The following ABCB4 variants were observed in gnomAD, a reference collection of about 807,000 sequenced individuals.
ABCB4 encodes the protein ATP binding cassette subfamily B member 4.
In ABCB4, 76 loss-of-function variants were observed where a neutral mutation model predicts 145.7. The observed-to-expected ratio is 0.52, with a 90% confidence interval of 0.43 to 0.63. The LOEUF (loss-of-function observed/expected upper bound fraction) is 0.63, where lower values mean the gene tolerates loss of function less well. Among genes scored for constraint, ABCB4 ranks in the 30% least tolerant of loss-of-function variants. The pLI, the probability that ABCB4 is intolerant of heterozygous loss-of-function variation, is 0.00. For missense variants in ABCB4, 1,234 were observed against 1,553.1 expected (o/e 0.79, Z 3.45); for synonymous variants, 517 against 566.8 (o/e 0.91, Z 1.25).
At chr7:87,379,557 A>G in the ABCB4 span, among the ~76,000 whole-genome samples, 11 of 152,250 alleles carry the variant, frequency 7.2e-5, no homozygotes, top group East Asian at 7.7e-4. Flanking sequence ...CAAATTCAAG[A>G]TGAAAATAAT....
intron 3 of ABCB4, among the ~76,000 whole-genome samples, chr7:87,467,558 A>G (rs1046073652): frequency 1.3e-5 from 2 of 152,230 alleles, no homozygotes; most frequent in Non-Finnish European, 2.9e-5. Context: ...ATAGACATCT[A>G]CAGAACTCTC....
the ABCB4 span, among the ~76,000 whole-genome samples, chr7:87,370,369 G>C: frequency 1.2e-4 from 18 of 152,156 alleles, no homozygotes; most frequent in African/African-American, 4.3e-4. Context: ...TTTTAGTAGG[G>C]ATGAGGTTTT....
chr7:87,418,001 C>T lies in ABCB4; in HGVS notation c.2479-486G>A, dbSNP rs56340939. 2.6e-3 allele frequency among the ~76,000 whole-genome samples: 400 copies of T among 152,308 alleles called. 1 individual carries two copies. Among genetic ancestry groups the T allele is most frequent in the Non-Finnish European group, 3.3e-3 (223 of 68,028 alleles). On this transcript the variant is annotated intron_variant, in intron 20 of 27. Transcript: ENST00000649586. ...ACTCAGAAAACAAAGGTGGCTGTAG[C>T]AACATTGCAGTCAGCTCTCTGCATC...
the ABCB4 span, among the ~76,000 whole-genome samples, chr7:87,390,646 G>A: frequency 1.3e-5 from 2 of 152,112 alleles, no homozygotes; most frequent in Non-Finnish European, 2.9e-5. Context: ...AAGAAAGTAA[G>A]AGAGTTTTAT....
the ABCB4 span, among the ~76,000 whole-genome samples, chr7:87,388,430 A>G: frequency 2.6e-5 from 4 of 152,196 alleles, no homozygotes; most frequent in African/African-American, 4.8e-5. Flanking sequence ...ACACAGATAT[A>G]TAGACCAATG....
chr7:87,429,613 GC>G (rs1269560364), intron 15 of ABCB4, among the ~76,000 whole-genome samples: 1 of 152,152 alleles, frequency 6.6e-6, no homozygotes, highest in Non-Finnish European at 1.5e-5. Context: ...GTCATTATGG[GC>G]AAAATCACAG....
chr7:87,405,667 C>T (rs957280121), intron 26 of ABCB4, among the ~76,000 whole-genome samples: 1 of 152,088 alleles, frequency 6.6e-6, no homozygotes, highest in Non-Finnish European at 1.5e-5. Context: ...CCTCGTAATC[C>T]ACCCACCTTG....
intron 3 of ABCB4, among the ~76,000 whole-genome samples, chr7:87,465,555 G>A (rs1812809791): frequency 6.6e-6 from 1 of 152,156 alleles, no homozygotes; most frequent in South Asian, 2.1e-4. Flanking sequence ...GAGAGTAGTG[G>A]TTCTCCCAGC....
At chr7:87,419,201 A>T (rs1017491020) in intron 19 of ABCB4, among the ~76,000 whole-genome samples, 1 of 152,166 alleles carries the variant, frequency 6.6e-6, no homozygotes, top group African/African-American at 2.4e-5. Flanking sequence ...ACATAAAATA[A>T]TTTTTCCTGC....
At chr7:87,394,605 G>A in the ABCB4 span, among the ~76,000 whole-genome samples, 1 of 151,134 alleles carries the variant, frequency 6.6e-6, no homozygotes, top group Admixed American at 6.6e-5. Context: ...ACACTGGCAG[G>A]CATTAAAACT....
the ABCB4 span, among the ~76,000 whole-genome samples, chr7:87,391,249 G>T: frequency 6.6e-6 from 1 of 152,284 alleles, no homozygotes; most frequent in Non-Finnish European, 1.5e-5. Context: ...CACTTGTGCT[G>T]TACTCTCCCC....
the ABCB4 span, among the ~76,000 whole-genome samples, chr7:87,367,597 A>ACTTTT: frequency 1.3e-5 from 2 of 152,144 alleles, no homozygotes; most frequent in African/African-American, 4.8e-5. Flanking sequence ...AAATTCATAT[A>ACTTTT]CTTTTCTTTT....
downstream of ABCB4, chr7:87,398,767 A>G (rs1381499879): frequency 3.3e-6 from 3 of 912,830 alleles, no homozygotes; most frequent in Non-Finnish European, 4.9e-6. Flanking sequence ...AGTTAAGAAA[A>G]CTTGTTAAAT....
chr7:87,424,005 A>G lies in ABCB4; in HGVS notation c.2112T>C (p.Asn704=), dbSNP rs200052908. ...CGACAAAGTAGGGCCATTCTGTTTT[A>G]TTCAGTTTCAGGACCTTCAGAAAGG... ...PVSFLKVLKL[N]KTEWPYFVVG... Residue 704 remains asparagine (N), a synonymous_variant, in exon 17 of 28, where the codon AAT becomes AAC. Transcript: ENST00000649586. The G allele has an allele frequency of 6.2e-7, 1 of 1,614,046 alleles. No individual in the cohort carries two copies. The highest frequency in any genetic ancestry group is 8.5e-7 in the Non-Finnish European group (1 of 1,179,954).
intron 5 of ABCB4, 108 bp downstream of exon 5, chr7:87,454,427 G>T: frequency 1.1e-6 from 1 of 894,660 alleles, no homozygotes; most frequent in Non-Finnish European, 1.7e-6. Context: ...GATAATAATA[G>T]GTGAATCTGG....
Position 87,462,747 on chromosome 7 carries a change from G to A in ABCB4, c.286+11C>T. 6.2e-7 allele frequency: 1 copy of A among 1,613,348 alleles called. No individual in the cohort carries two copies. The highest frequency in any genetic ancestry group is 1.7e-5 in the Admixed American group (1 of 59,972). ...GCTATGGATTTTTTTAAAAGGTAAAGAAATGCTTACCTGGAAAGGAGAAGT... is the reference window on the plus strand; with the variant it reads ...GCTATGGATTTTTTTAAAAGGTAAAAAAATGCTTACCTGGAAAGGAGAAGT... On this transcript the variant is annotated intron_variant, in intron 4 of 27. Transcript: ENST00000649586.
the ABCB4 span, chr7:87,382,359 G>A: frequency 4.4e-6 from 7 of 1,575,720 alleles, no homozygotes; most frequent in Non-Finnish European, 6.0e-6. Flanking sequence ...GCTTCTCTTT[G>A]GTGTATTCTC....
rs11976709 is a variant in ABCB4 at position 87,438,707 on chromosome 7, C to T, written c.1731+960G>A. ...GAGGCTGCAGGGAGCCATAATCACA[C>T]GACTGCACTCCACGCTGGGTGACAG... On this transcript the variant is annotated intron_variant, in intron 14 of 27. Coordinates refer to ENST00000649586, the MANE Select transcript of ABCB4 (RefSeq NM_000443.4). Among the ~76,000 whole-genome samples the T allele has an allele frequency of 3.3e-3, 503 of 152,232 alleles. 1 individual carries two copies. Among genetic ancestry groups the T allele is most frequent in the African/African-American group, 0.011 (442 of 41,526 alleles).
the ABCB4 span, among the ~76,000 whole-genome samples, chr7:87,393,411 G>T: frequency 6.6e-6 from 1 of 152,148 alleles, no homozygotes; most frequent in Non-Finnish European, 1.5e-5. Flanking sequence ...ATATATGGTG[G>T]TTCATGTAGT....
Sources: gnomAD v4.1 joint callset for allele counts (sites outside exome capture counted in the v4.1 genomes callset) on GRCh38, gnomAD v4.1.1 for gene constraint, MANE v1.5 for transcripts, NCBI Gene and HGNC (gene_info 2026-07-23, HGNC 2026-07-21) for gene names.